The following GLP2R variants were observed in gnomAD, a reference collection of about 807,000 sequenced individuals.
The protein encoded by GLP2R is glucagon-like peptide 2 receptor.
GLP2R carries 59 observed loss-of-function variants against 68.2 expected under a neutral mutation model. The observed-to-expected ratio is 0.87, with a 90% CI of 0.70 to 1.07. The LOEUF (loss-of-function observed/expected upper bound fraction) is 1.07, where lower values mean the gene tolerates loss of function less well. Ranked by LOEUF, GLP2R falls within the 50% of genes least tolerant of loss-of-function variation. GLP2R has a pLI of 0.00. For missense variants in GLP2R, 548 were observed against 677.4 expected, an observed-to-expected ratio of 0.81 and a Z score of 2.12; for synonymous variants, 270 against 265.4, an observed-to-expected ratio of 1.02 and a Z score of -0.17.
At chr17:9,878,876 A>G (rs1432055994) in intron 10 of GLP2R, among the ~76,000 whole-genome samples, 1 of 151,972 alleles carries the variant, frequency 6.6e-6, no homozygotes, top group African/African-American at 2.4e-5. Context: ...CTTTAATTCC[A>G]TGGGATCTGA....
intron 10 of GLP2R, among the ~76,000 whole-genome samples, chr17:9,873,721 G>A (rs2067119080): frequency 6.6e-6 from 1 of 152,104 alleles, no homozygotes; most frequent in Admixed American, 6.5e-5. Flanking sequence ...CACAGCCAGT[G>A]TGGAGGACTG....
At position 9,889,902 on chromosome 17, in the gene GLP2R, C is replaced by T. The variant is rs2067276911; in HGVS notation, c.*197C>T. On this transcript the variant is annotated 3_prime_UTR_variant, in exon 13 of 13. Transcript: ENST00000262441. ...TGTGTGTCATGCTCACAGCCTCTGC[C>T]TGCTCTTCTCATCCTAATAACCCCC... 1 of 647,180 alleles carries T rather than the reference C, an allele frequency of 1.5e-6. No individual in the cohort carries two copies. Among genetic ancestry groups the T allele is most frequent in the African/African-American group, 1.8e-5 (1 of 55,736 alleles). The allele number at this position is 647,180 out of a possible 1,614,324, so 40.1% of individuals were successfully genotyped here. A position where few individuals can be genotyped will look rare whatever the true frequency, so the allele number is the denominator to read the frequency against.
chr17:9,837,022 T>C (rs2066738192), intron 3 of GLP2R, among the ~76,000 whole-genome samples: 1 of 151,910 alleles, frequency 6.6e-6, no homozygotes, highest in African/African-American at 2.4e-5. Context: ...TCGGCTAATT[T>C]TTTTGTATTT....
chr17:9,863,200 C>A (rs1218744635), intron 9 of GLP2R, among the ~76,000 whole-genome samples: 1 of 152,206 alleles, frequency 6.6e-6, no homozygotes, highest in Admixed American at 6.5e-5. Context: ...CTGCCCTCCA[C>A]AGTCCTCTCT....
chr17:9,878,719 G>A (rs935654374), intron 10 of GLP2R, among the ~76,000 whole-genome samples: 4 of 152,182 alleles, frequency 2.6e-5, no homozygotes, highest in Non-Finnish European at 5.9e-5. Flanking sequence ...GGGCACAAAG[G>A]TGAGGTTGTT....
intron 1 of GLP2R, among the ~76,000 whole-genome samples, chr17:9,830,993 T>A (rs796239723): frequency 6.6e-5 from 10 of 152,340 alleles, no homozygotes; most frequent in African/African-American, 2.4e-4. Context: ...GGGCTTTAGA[T>A]ATATCTTTTG....
chr17:9,863,827 T>A (rs1265410662), intron 9 of GLP2R, among the ~76,000 whole-genome samples: 1 of 152,216 alleles, frequency 6.6e-6, no homozygotes, highest in African/African-American at 2.4e-5. Flanking sequence ...AAACCCATTT[T>A]CTGCCACTGT....
chr17:9,829,521 C>T (rs1004697450), intron 1 of GLP2R, among the ~76,000 whole-genome samples: 1 of 152,052 alleles, frequency 6.6e-6, no homozygotes, highest in Admixed American at 6.5e-5. Context: ...AGGCATTCAA[C>T]GCTAGAGGAT....
rs549125566 is a variant in GLP2R, at chr17:9,829,880, T to C, written c.189+3628T>C. On this transcript the variant is annotated intron_variant, in intron 1 of 12. Coordinates refer to ENST00000262441, the MANE Select transcript of GLP2R (RefSeq NM_004246.3). ...CTTCTCTAACAAAGAAAAACAGATT[T>C]ATTTAAAGAGAGTCAGTATAAGGAT... 5.3e-5 allele frequency among the ~76,000 whole-genome samples: 8 copies of C among 152,380 alleles called. 1 individual carries two copies. The Middle Eastern group carries it at 0.01, about 194-fold the overall frequency.
intron 4 of GLP2R, among the ~76,000 whole-genome samples, chr17:9,843,245 GA>G (rs1204761758): frequency 1.3e-5 from 2 of 152,156 alleles, no homozygotes; most frequent in Non-Finnish European, 2.9e-5. Context: ...AAGGGGAAAC[GA>G]AACGTCCCTT....
chr17:9,845,125 C>A (rs376983380), intron 4 of GLP2R, among the ~76,000 whole-genome samples: 285 of 151,390 alleles, frequency 1.9e-3, no homozygotes, highest in African/African-American at 6.7e-3. Flanking sequence ...GTGACGCGAT[C>A]ATGGCCCACC....
At chr17:9,830,854 A>T (rs1237555893) in intron 1 of GLP2R, among the ~76,000 whole-genome samples, 1 of 152,246 alleles carries the variant, frequency 6.6e-6, no homozygotes, top group Non-Finnish European at 1.5e-5. Flanking sequence ...TCAGTGTGGA[A>T]CAGGAAATAA....
intron 9 of GLP2R, among the ~76,000 whole-genome samples, chr17:9,862,370 G>T (rs969155083): frequency 1.3e-5 from 2 of 152,192 alleles, no homozygotes; most frequent in Non-Finnish European, 2.9e-5. Flanking sequence ...TGAGATGTGT[G>T]CAAGGCCCTG....
At chr17:9,870,705 G>T in intron 9 of GLP2R, 42 bp from the exon 10 acceptor site, 1 of 900,316 alleles carries the variant, frequency 1.1e-6, no homozygotes, top group South Asian at 1.3e-5. Flanking sequence ...CAGCTATGTG[G>T]AATTCGTCAC....
At chr17:9,859,819 CAAAAAAAA>C (rs10567375) in intron 6 of GLP2R, 115 bp from the exon 7 acceptor site, 90 of 143,870 alleles carry the variant, frequency 6.3e-4, no homozygotes, top group South Asian at 3.9e-3. Context: ...GATTCTGTCT[CAAAAAAAA>C]AAAAAAAAAA....
intron 9 of GLP2R, chr17:9,865,805 T>G: frequency 2.1e-6 from 1 of 471,098 alleles, no homozygotes; most frequent in South Asian, 1.5e-5. Flanking sequence ...GAGAGGACAT[T>G]GCTTAACTAT....
chr17:9,832,201 G>A (rs1203334725), intron 1 of GLP2R, among the ~76,000 whole-genome samples: 1 of 152,104 alleles, frequency 6.6e-6, no homozygotes, highest in Non-Finnish European at 1.5e-5. Flanking sequence ...ACTTTGAGAG[G>A]CCAAGGCAGG....
rs187934393 is a variant in GLP2R at position 9,845,876 on chromosome 17, T to A, written c.504+3260T>A. On this transcript the variant is annotated intron_variant, in intron 4 of 12. Transcript: ENST00000262441. ...TTTTTTATTCTATTTATAAATCTAG[T>A]AAGTTAGTCTACTTTCGTAGAGGTC... is the stretch of plus-strand genomic sequence containing the variant. Among the ~76,000 whole-genome samples the A allele has an allele frequency of 4.3e-3, 662 of 152,282 alleles. 9 individuals are homozygous for A. Among genetic ancestry groups the A allele is most frequent in the African/African-American group, 0.015 (610 of 41,572 alleles).
At chr17:9,832,954 C>T (rs536813986) in intron 1 of GLP2R, among the ~76,000 whole-genome samples, 8 of 152,064 alleles carry the variant, frequency 5.3e-5, no homozygotes, top group African/African-American at 7.2e-5. Flanking sequence ...AACCCACTTC[C>T]GAATTGACTT....
Sources: allele counts gnomAD v4.1 joint callset (sites outside exome capture counted in the v4.1 genomes callset), GRCh38; gene constraint gnomAD v4.1.1; transcripts MANE v1.5; gene names NCBI Gene and HGNC (gene_info 2026-07-23, HGNC 2026-07-21).